Variants in FSTL3 observed in about 807,000 individuals in gnomAD.
FSTL3 encodes the protein follistatin-related protein 3.
In FSTL3, 21 loss-of-function variants were observed where a neutral mutation model predicts 28.1. That is an observed-to-expected ratio of 0.75 (90% confidence interval 0.53 to 1.08). FSTL3 has a LOEUF of 1.08. Ranked by LOEUF, FSTL3 falls within the 50% of genes least tolerant of loss-of-function variation. The pLI, the probability that FSTL3 is intolerant of heterozygous loss-of-function variation, is 0.00. For synonymous variants in FSTL3, 199 were observed against 164.2 expected, an observed-to-expected ratio of 1.21 and a Z score of -1.62; for missense variants, 400 against 380.9, an observed-to-expected ratio of 1.05 and a Z score of -0.42.
chr19:678,752 C>T (rs1402353840), intron 2 of FSTL3, among the ~76,000 whole-genome samples: 4 of 152,172 alleles, frequency 2.6e-5, no homozygotes, highest in Non-Finnish European at 4.4e-5. Context: ...CTCAAGTGAT[C>T]TGCCAGCCTT....
Position 676,524 on chromosome 19 carries a change from C to A in FSTL3, c.101C>A (p.Pro34His). The A allele has an allele frequency of 9.4e-7, 1 of 1,063,894 alleles. No homozygotes were observed. Among genetic ancestry groups the A allele is most frequent in the Non-Finnish European group, 1.2e-6 (1 of 861,962 alleles). The allele number at this position is 1,063,894 out of a possible 1,614,324, so 65.9% of individuals were successfully genotyped here. A position where few individuals can be genotyped will look rare whatever the true frequency, so the allele number is the denominator to read the frequency against. Reference protein sequence around the residue: ...VSSMGSGNPAPGGVCWLQQGQ... With the variant: ...VSSMGSGNPAHGGVCWLQQGQ... ...TCCATGGGCTCGGGGAACCCCGCGC[C>A]CGGTGAGTGGGGCGGCCAGAGGGGC... Residue 34 changes from proline (P) to histidine (H), a missense_variant and splice_region_variant, in exon 1 of 5, where the codon CCC becomes CAC. Pro to His is a moderately conservative substitution (Grantham distance 77). Transcript: ENST00000166139.
chr19:679,412 G>A (rs1429859601), intron 2 of FSTL3, among the ~76,000 whole-genome samples: 1 of 152,108 alleles, frequency 6.6e-6, no homozygotes, highest in Non-Finnish European at 1.5e-5. Flanking sequence ...TTTACACACA[G>A]AGAAACTGAG....
intron 2 of FSTL3, among the ~76,000 whole-genome samples, chr19:679,373 T>C (rs1212979519): frequency 1.3e-5 from 2 of 152,116 alleles, no homozygotes; most frequent in Non-Finnish European, 2.9e-5. Context: ...CGCACTGCCT[T>C]GGAAGTGGGG....
intron 2 of FSTL3, among the ~76,000 whole-genome samples, chr19:678,492 G>A (rs1391961750): frequency 6.9e-6 from 1 of 145,312 alleles, no homozygotes; most frequent in Non-Finnish European, 1.5e-5. Context: ...CGCACTGGAG[G>A]ATGATGGTTT....
chr19:680,439 G>T lies in FSTL3; in HGVS notation c.455G>T (p.Arg152Leu), dbSNP rs1241074250. The change falls in exon 3 of 5, where the codon CGC (arginine) becomes CTC (leucine). Residue 152 changes from arginine (R) to leucine (L), a missense_variant. Transcript: ENST00000166139. Reference sequence around the variant, plus strand: ...GACGAGTGCGAGCTGCGCGCCGCGCGCTGCCGCGGCCACCCGGACCTGAGC... The same window carrying T: ...GACGAGTGCGAGCTGCGCGCCGCGCTCTGCCGCGGCCACCCGGACCTGAGC... ...YRDECELRAA[R>L]CRGHPDLSVM... The T allele has an allele frequency of 6.3e-6, 8 of 1,264,522 alleles. No individual in the cohort carries two copies. Among genetic ancestry groups the T allele is most frequent in the Non-Finnish European group, 7.9e-6 (8 of 1,007,188 alleles). 78.3% of individuals were successfully genotyped at this position (1,264,522 alleles called of 1,614,324 possible). A position where few individuals can be genotyped will look rare whatever the true frequency, so the allele number is the denominator to read the frequency against.
Position 681,825 on chromosome 19 carries a change from C to A in FSTL3, c.*117C>A. 1.1e-6 allele frequency: 1 copy of A among 913,632 alleles called. No individual in the cohort carries two copies. The highest frequency in any genetic ancestry group is 1.7e-6 in the Non-Finnish European group (1 of 581,954). 56.6% of individuals were successfully genotyped at this position (913,632 alleles called of 1,614,324 possible). On this transcript the variant is annotated 3_prime_UTR_variant, in exon 5 of 5. Coordinates refer to ENST00000166139, the MANE Select transcript of FSTL3 (RefSeq NM_005860.3). ...ACACTCCTTAGAGCCCGGATTCGGA[C>A]CACTTGGGGATCCCAGAACCTCCCT...
intron 2 of FSTL3, among the ~76,000 whole-genome samples, chr19:678,848 T>C (rs796741656): frequency 1.3e-5 from 2 of 151,930 alleles, no homozygotes; most frequent in South Asian, 4.2e-4. Context: ...GCATTAGAGC[T>C]GGGGTGTTGG....
intron 3 of FSTL3, 145 bp downstream of exon 3, chr19:680,634 C>A: frequency 2.3e-6 from 1 of 431,028 alleles, no homozygotes; most frequent in Non-Finnish European, 3.6e-6. Context: ...GGGCTGCTAC[C>A]GCAATGCGTG....
At chr19:680,859 G>A (rs1311545478) in intron 3 of FSTL3, 1 of 232,942 alleles carries the variant, frequency 4.3e-6, no homozygotes, top group Non-Finnish European at 8.4e-6. Context: ...TGGGCCTCTG[G>A]GGGCTCACAC....
chr19:681,651 C>G lies in FSTL3; in HGVS notation c.735C>G (p.Gly245=). Residue 245 remains glycine (G), a splice_region_variant and synonymous_variant, in exon 5 of 5, where the codon GGC becomes GGG. Transcript: ENST00000166139. ...IGVRHAGSCA[G]TPEEPPGGES... ...CAATGCTCTTATCGACCCTTGCAGG[C>G]ACCCCTGAGGAGCCGCCAGGTGGTG... The G allele has an allele frequency of 6.3e-7, 1 of 1,579,650 alleles. No individual in the cohort carries two copies. Among genetic ancestry groups the G allele is most frequent in the Non-Finnish European group, 8.6e-7 (1 of 1,163,034 alleles).
intron 1 of FSTL3, among the ~76,000 whole-genome samples, 178 bp from the exon 2 acceptor site, chr19:677,614 T>C (rs2031241293): frequency 6.6e-6 from 1 of 151,784 alleles, no homozygotes; most frequent in African/African-American, 2.4e-5. Flanking sequence ...GGAGGAGACA[T>C]TTCCAGGGTT....
chr19:680,890 T>G, intron 3 of FSTL3: 1 of 230,314 alleles, frequency 4.3e-6, no homozygotes, highest in Non-Finnish European at 8.6e-6. Flanking sequence ...GTATGTGGCA[T>G]GGTCAGAGCG....
chr19:676,475 G>T lies in FSTL3; in HGVS notation c.52G>T (p.Ala18Ser). 1.7e-6 allele frequency: 2 copies of T among 1,202,718 alleles called. No individual in the cohort carries two copies. Among genetic ancestry groups the T allele is most frequent in the Admixed American group, 4.2e-5 (1 of 23,950 alleles). The allele number at this position is 1,202,718 out of a possible 1,614,324, so 74.5% of individuals were successfully genotyped here. ...CTGGCCTCTGCCCTGGGGGGCCCTG[G>T]CTTGGGCCGTGGGCTTCGTGAGCTC... ...PLWPLPWGAL[A>S]WAVGFVSSMG... The change falls in exon 1 of 5, where the codon GCT becomes TCT. Residue 18 changes from alanine to serine, a missense_variant. Coordinates refer to ENST00000166139, the MANE Select transcript of FSTL3 (RefSeq NM_005860.3).
rs766291989 is a variant in FSTL3, at chr19:681,377, G to C, written c.550G>C (p.Val184Leu). 5 of 1,590,792 alleles carry C rather than the reference G, an allele frequency of 3.1e-6. No homozygotes were observed. Among genetic ancestry groups the C allele is most frequent in the South Asian group, 2.2e-5 (2 of 89,774 alleles). ...VVCPRPQSCV[V>L]DQTGSAHCVV... is the part of the protein sequence containing the mutation. Reference sequence around the variant, plus strand: ...GTGCCCGCGGCCACAGTCGTGCGTCGTGGACCAGACGGGCAGCGCCCACTG... The same window carrying C: ...GTGCCCGCGGCCACAGTCGTGCGTCCTGGACCAGACGGGCAGCGCCCACTG... The change falls in exon 4 of 5, where the codon GTG becomes CTG. Residue 184 changes from valine to leucine, a missense_variant. Val to Leu is a conservative substitution (Grantham distance 32). Transcript: ENST00000166139.
chr19:677,996 A>G lies in FSTL3; in HGVS notation c.289+19A>G. On this transcript the variant is annotated intron_variant, in intron 2 of 4. Transcript: ENST00000166139. Reference sequence around the variant, plus strand: ...TGCAAAGGTGAGACCTCAGGCCAGAAGCAGGGCAGACGTCTCAGCTCAGGA... The same window carrying G: ...TGCAAAGGTGAGACCTCAGGCCAGAGGCAGGGCAGACGTCTCAGCTCAGGA... 2 of 1,608,424 alleles carry G rather than the reference A, an allele frequency of 1.2e-6. No homozygotes were observed. Among genetic ancestry groups the G allele is most frequent in the Non-Finnish European group, 8.5e-7 (1 of 1,177,136 alleles).
intron 1 of FSTL3, among the ~76,000 whole-genome samples, chr19:677,024 G>A (rs1325716890): frequency 2.6e-5 from 4 of 152,288 alleles, no homozygotes; most frequent in Non-Finnish European, 4.4e-5. Flanking sequence ...GTGCCAGGCA[G>A]GAGACGGCCC....
rs2031368365 is a variant in FSTL3, at chr19:682,774, G to A, written c.*1066G>A. 4.3e-6 allele frequency: 1 copy of A among 233,128 alleles called. No individual in the cohort carries two copies. The highest frequency in any genetic ancestry group is 8.5e-6 in the Non-Finnish European group (1 of 118,064). 14.4% of individuals were successfully genotyped at this position (233,128 alleles called of 1,614,324 possible). A position where few individuals can be genotyped will look rare whatever the true frequency, so the allele number is the denominator to read the frequency against. ...TCAGAGCAGGGCACTGTGTCCGGCG[G>A]AGCCAAGTCCACTCTGGGGGAGCTC... On this transcript the variant is annotated 3_prime_UTR_variant, in exon 5 of 5. Coordinates refer to ENST00000166139, the MANE Select transcript of FSTL3 (RefSeq NM_005860.3).
chr19:678,037 CATG>C, intron 2 of FSTL3, 60 bp downstream of exon 2: 1 of 1,521,466 alleles, frequency 6.6e-7, no homozygotes, highest in Non-Finnish European at 9.0e-7. Context: ...CACAAACAGT[CATG>C]GTGGTCGAGG....
At chr19:679,162 C>T (rs2031273061) in intron 2 of FSTL3, among the ~76,000 whole-genome samples, 1 of 152,152 alleles carries the variant, frequency 6.6e-6, no homozygotes, top group Admixed American at 6.5e-5. Flanking sequence ...GGGCATGAGA[C>T]GGCCCAGGAC....
Sources: gnomAD v4.1 joint callset for allele counts (sites outside exome capture counted in the v4.1 genomes callset) on GRCh38, gnomAD v4.1.1 for gene constraint, MANE v1.5 for transcripts, NCBI Gene and HGNC (gene_info 2026-07-23, HGNC 2026-07-21) for gene names.